SLC13A1: variants seen among roughly 807,000 people sequenced by gnomAD.
SLC13A1 encodes Na(+)/sulfate cotransporter.
A neutral mutation model predicts 70.0 loss-of-function variants in SLC13A1; 65 were observed. The ratio of observed to expected loss-of-function variants is 0.93; its 90% CI spans 0.76 to 1.14. The LOEUF (loss-of-function observed/expected upper bound fraction) is 1.14. Ranked by LOEUF, SLC13A1 falls within the 50% of genes most tolerant of loss-of-function variation. SLC13A1 has a pLI of 0.00. For missense variants in SLC13A1, 726 were observed against 717.8 expected, an observed-to-expected ratio of 1.01 and a Z score of -0.13; for synonymous variants, 275 against 250.5, an observed-to-expected ratio of 1.10 and a Z score of -0.92.
At chr7:123,183,311 CT>C (rs1454253581) in intron 1 of SLC13A1, among the ~76,000 whole-genome samples, 1 of 152,144 alleles carries the variant, frequency 6.6e-6, no homozygotes, top group Non-Finnish European at 1.5e-5. Flanking sequence ...AAAATAAAGT[CT>C]GAATTCCTGC....
chr7:123,142,926 C>A (rs114919493), intron 7 of SLC13A1, among the ~76,000 whole-genome samples: 3 of 152,092 alleles, frequency 2.0e-5, no homozygotes, highest in Non-Finnish European at 2.9e-5. Context: ...TGACGAAGAG[C>A]TCTTTAGTTA....
rs1794963548 is a variant in SLC13A1, at chr7:123,163,034, ACT to A, written c.660+5338_660+5339del. ...GGTTTAGAAATTGAGCTGATGTAAAACTCTGGGCTGTCTCTTTGAGTGACATT... is the reference window on the plus strand; with the variant it reads ...GGTTTAGAAATTGAGCTGATGTAAAACTGGGCTGTCTCTTTGAGTGACATT... On this transcript the variant is annotated intron_variant, in intron 6 of 14. Coordinates refer to ENST00000194130, the MANE Select transcript of SLC13A1 (RefSeq NM_022444.4). Among the ~76,000 whole-genome samples the A allele has an allele frequency of 2.6e-5, 4 of 151,928 alleles. No individual in the cohort carries two copies. The South Asian group carries it at 8.3e-4, about 32-fold the overall frequency.
chr7:123,128,685 C>T (rs1793649083), intron 10 of SLC13A1, among the ~76,000 whole-genome samples, 160 bp downstream of exon 10: 1 of 152,068 alleles, frequency 6.6e-6, no homozygotes, highest in East Asian at 1.9e-4. Flanking sequence ...AGATTTCATT[C>T]CTTATAATTT....
chr7:123,172,110 G>A (rs1454140137), intron 2 of SLC13A1, among the ~76,000 whole-genome samples: 6 of 151,938 alleles, frequency 3.9e-5, no homozygotes, highest in South Asian at 2.1e-4. Flanking sequence ...AAAGTATACC[G>A]AAAAAAGAGT....
chr7:123,115,692 A>T, intron 14 of SLC13A1, 37 bp from the exon 15 acceptor site: 1 of 1,609,916 alleles, frequency 6.2e-7, no homozygotes, highest in Non-Finnish European at 8.5e-7. Flanking sequence ...AGTGTCCCAG[A>T]AGAAAGCCTA....
chr7:123,185,463 G>T (rs1244185035), intron 1 of SLC13A1, among the ~76,000 whole-genome samples: 1 of 152,016 alleles, frequency 6.6e-6, no homozygotes, highest in South Asian at 2.1e-4. Context: ...TTTGCATATA[G>T]TGAGATATAT....
At chr7:123,180,597 C>T (rs939826896) in intron 2 of SLC13A1, among the ~76,000 whole-genome samples, 2 of 152,100 alleles carry the variant, frequency 1.3e-5, no homozygotes, top group African/African-American at 2.4e-5. Context: ...AACAGGGAAA[C>T]TTTTTCTTCA....
intron 6 of SLC13A1, among the ~76,000 whole-genome samples, chr7:123,158,913 G>A (rs1794796946): frequency 6.6e-6 from 1 of 151,942 alleles, no homozygotes; most frequent in African/African-American, 2.4e-5. Context: ...ATCACTCTCT[G>A]AAATACATTC....
intron 8 of SLC13A1, among the ~76,000 whole-genome samples, chr7:123,133,445 C>T (rs1793838219): frequency 6.6e-6 from 1 of 151,352 alleles, no homozygotes; most frequent in South Asian, 2.1e-4. Flanking sequence ...ACAAGTTGGA[C>T]ATCAGATTGA....
intron 6 of SLC13A1, among the ~76,000 whole-genome samples, chr7:123,159,667 C>G (rs765716765): frequency 6.6e-6 from 1 of 151,964 alleles, no homozygotes; most frequent in Non-Finnish European, 1.5e-5. Context: ...ACCACCCATA[C>G]AAGTGTGTGT....
At chr7:123,149,734 A>C in intron 6 of SLC13A1, 1 of 413,948 alleles carries the variant, frequency 2.4e-6, no homozygotes, top group African/African-American at 2.1e-5. Flanking sequence ...CACAGTTATC[A>C]CAGTTTCTTC....
Position 123,152,068 on chromosome 7 carries a change from T to TA in SLC13A1, c.661-4759dup, listed in dbSNP as rs576240658. Among the ~76,000 whole-genome samples the TA allele has an allele frequency of 3.4e-3, 525 of 152,256 alleles. 3 individuals carry two copies. Among genetic ancestry groups the TA allele is most frequent in the African/African-American group, 0.012 (493 of 41,566 alleles). ...AGAATCTAAATGTAGTTAAGGAATA[T>TA]ATAAACACTTATTATCTTTTGTCTT... On this transcript the variant is annotated intron_variant, in intron 6 of 14. Coordinates refer to ENST00000194130, the MANE Select transcript of SLC13A1 (RefSeq NM_022444.4).
At chr7:123,118,556 C>G (rs1370172206) in intron 13 of SLC13A1, among the ~76,000 whole-genome samples, 1 of 152,128 alleles carries the variant, frequency 6.6e-6, no homozygotes, top group Non-Finnish European at 1.5e-5. Context: ...CTTTCCCTCT[C>G]TCTTTTAGCA....
chr7:123,143,105 T>A (rs1004626369), intron 7 of SLC13A1, among the ~76,000 whole-genome samples: 1 of 152,140 alleles, frequency 6.6e-6, no homozygotes, highest in Non-Finnish European at 1.5e-5. Flanking sequence ...CAAAGTCCTC[T>A]CCACTCTTCC....
chr7:123,194,296 C>T (rs779358848), intron 1 of SLC13A1, among the ~76,000 whole-genome samples: 27 of 151,848 alleles, frequency 1.8e-4, no homozygotes, highest in Non-Finnish European at 2.6e-4. Context: ...GAGGATATAG[C>T]GTGTGAGAAG....
rs529674207 is a variant in SLC13A1, at chr7:123,139,428, AT to A, written c.813-4900del. The stretch of plus-strand genomic sequence containing the variant: ...TTTGTTGTTCCATATAAATTTTAGG[AT>A]TTTTTTTTTCTATTTCTGTGAAGAA... On this transcript the variant is annotated intron_variant, in intron 7 of 14. Coordinates refer to ENST00000194130, the MANE Select transcript of SLC13A1 (RefSeq NM_022444.4). Among the ~76,000 whole-genome samples, 513 of 149,528 alleles carry A rather than the reference AT, an allele frequency of 3.4e-3. 27 individuals carry two copies. The South Asian group carries it at 0.096, about 28-fold the overall frequency.
At chr7:123,181,724 ATTG>A (rs1401383955) in intron 1 of SLC13A1, among the ~76,000 whole-genome samples, 1 of 152,136 alleles carries the variant, frequency 6.6e-6, no homozygotes, top group Non-Finnish European at 1.5e-5. Context: ...GTTTTAGGGC[ATTG>A]TTAAGAGATG....
chr7:123,136,902 A>G (rs1301419659), intron 7 of SLC13A1, among the ~76,000 whole-genome samples: 1 of 152,200 alleles, frequency 6.6e-6, no homozygotes, highest in Non-Finnish European at 1.5e-5. Flanking sequence ...GGAAATAGCA[A>G]TTACAAAGTC....
chr7:123,199,431 G>T (rs550492222), intron 1 of SLC13A1, among the ~76,000 whole-genome samples: 1 of 152,074 alleles, frequency 6.6e-6, no homozygotes, highest in Admixed American at 6.6e-5. Context: ...ATTAGTCTGT[G>T]CTGGACCTAG....
Sources: gnomAD v4.1 joint callset for allele counts (sites outside exome capture counted in the v4.1 genomes callset) on GRCh38, gnomAD v4.1.1 for gene constraint, MANE v1.5 for transcripts, NCBI Gene and HGNC (gene_info 2026-07-23, HGNC 2026-07-21) for gene names.